The following PRKN variants were observed in gnomAD, a reference collection of about 807,000 sequenced individuals.
PRKN encodes parkin RBR E3 ubiquitin protein ligase, also known as E3 ubiquitin-protein ligase parkin.
PRKN carries 56 observed loss-of-function variants against 59.5 expected under a neutral mutation model. The ratio of observed to expected loss-of-function variants is 0.94; its 90% confidence interval spans 0.76 to 1.18. PRKN has a LOEUF of 1.18. PRKN is among the 50% of genes most tolerant of loss of function. The pLI is 0.00. For missense variants in PRKN, 657 were observed against 596.4 expected (o/e 1.10, Z -1.06); for synonymous variants, 250 against 222.1 (o/e 1.13, Z -1.12).
intron 3 of PRKN, among the ~76,000 whole-genome samples, chr6:162,231,037 A>T (rs1778400966): frequency 1.3e-5 from 2 of 152,202 alleles, no homozygotes; most frequent in African/African-American, 4.8e-5. Context: ...GGCATTCCAT[A>T]GATAGCTTAT....
At position 161,352,771 on chromosome 6, in the gene PRKN, A is replaced by ATATATTTTTTTTT. The variant is rs34279714; in HGVS notation, c.1286-2561_1286-2560insAAAAAAAAATATA. The stretch of plus-strand genomic sequence containing the variant: ...TGTGTGTGTGTATATATATATATAT[A>ATATATTTTTTTTT]TTTTATTTTATTTTATTTTATTTTT... On this transcript the variant is annotated intron_variant, in intron 11 of 11. Transcript: ENST00000366898. This position sits in a 1 kb window ranked among gnomAD's most constrained non-coding sequence, Gnocchi z 5.8. Among the ~76,000 whole-genome samples, 1 of 116,900 alleles carries ATATATTTTTTTTT rather than the reference A, an allele frequency of 8.6e-6. No homozygotes were observed. The highest frequency in any genetic ancestry group is 2.0e-4 in the East Asian group (1 of 4,976). 76.7% of individuals were successfully genotyped at this position (116,900 alleles called of 152,430 possible). A position where few individuals can be genotyped will look rare whatever the true frequency, so the allele number is the denominator to read the frequency against.
intron 9 of PRKN, among the ~76,000 whole-genome samples, chr6:161,490,739 C>A (rs1292084566): frequency 1.3e-5 from 2 of 152,048 alleles, no homozygotes; most frequent in African/African-American, 4.8e-5. Context: ...CTGTGTGTCC[C>A]CACCAAATCT....
chr6:161,689,185 T>TACACAC (rs34193135), intron 7 of PRKN, among the ~76,000 whole-genome samples: 2,841 of 144,212 alleles, frequency 0.02, 49 homozygotes, highest in Admixed American at 0.043. Context: ...AATTAAATTG[T>TACACAC]ACACACACAC....
At chr6:161,629,567 C>T (rs1025320278) in intron 7 of PRKN, among the ~76,000 whole-genome samples, 9 of 152,136 alleles carry the variant, frequency 5.9e-5, no homozygotes, top group African/African-American at 1.9e-4. Context: ...TCACAAAAGG[C>T]ACCCTATACA....
intron 7 of PRKN, among the ~76,000 whole-genome samples, chr6:161,671,247 G>A (rs1011659567): frequency 6.6e-6 from 1 of 152,092 alleles, no homozygotes; most frequent in African/African-American, 2.4e-5. Flanking sequence ...AGGCAGCAGT[G>A]CACCTCCTTC....
chr6:161,585,412 A>T (rs1781485840), intron 7 of PRKN, among the ~76,000 whole-genome samples: 1 of 152,216 alleles, frequency 6.6e-6, no homozygotes, highest in Admixed American at 6.5e-5. Flanking sequence ...AATAATCAGT[A>T]TTAGTAGATG....
At chr6:161,676,314 A>G (rs1582987587) in intron 7 of PRKN, among the ~76,000 whole-genome samples, 1 of 152,212 alleles carries the variant, frequency 6.6e-6, no homozygotes, top group South Asian at 2.1e-4. Flanking sequence ...TCTGATCTGG[A>G]GTTCAATAGA....
chr6:162,462,513 ATGTGTGGATG>A (rs1287166492), intron 1 of PRKN, among the ~76,000 whole-genome samples: 4 of 152,100 alleles, frequency 2.6e-5, no homozygotes, highest in East Asian at 3.9e-4. Context: ...GTGTGTATAC[ATGTGTGGATG>A]TGTGTGGATG....
chr6:161,777,750 T>C (rs1408231611), intron 7 of PRKN, among the ~76,000 whole-genome samples: 13 of 136,326 alleles, frequency 9.5e-5, no homozygotes, highest in Admixed American at 4.4e-4. Flanking sequence ...TATATATAGA[T>C]ATATATGTAT....
Position 162,654,682 on chromosome 6 carries a change from G to A in PRKN, c.7+72980C>T, listed in dbSNP as rs555430155. Among the ~76,000 whole-genome samples the A allele has an allele frequency of 5.3e-5, 8 of 152,204 alleles. No homozygotes were observed. In the South Asian group the frequency reaches 1.7e-3, roughly 32 times the overall value. On this transcript the variant is annotated intron_variant, in intron 1 of 11. Transcript: ENST00000366898. ...TTAGTCCATTCTCATGCTGCCAGTG[G>A]AGACATACCTGAGACTGGGTAATTT...
At chr6:161,909,927 C>T (rs774489727) in intron 6 of PRKN, among the ~76,000 whole-genome samples, 10 of 152,142 alleles carry the variant, frequency 6.6e-5, no homozygotes, top group Non-Finnish European at 1.3e-4. Flanking sequence ...CATTAAGAAC[C>T]TTCATGGAAA....
intron 1 of PRKN, among the ~76,000 whole-genome samples, chr6:162,692,543 C>T (rs559443844): frequency 3.4e-5 from 5 of 148,344 alleles, no homozygotes; most frequent in Admixed American, 6.9e-5. Flanking sequence ...AAGTTACCCA[C>T]GTAGGTGTTC....
At chr6:162,225,214 T>C (rs941939345) in intron 3 of PRKN, among the ~76,000 whole-genome samples, 1 of 152,078 alleles carries the variant, frequency 6.6e-6, no homozygotes, top group African/African-American at 2.4e-5. Context: ...TAGTAACTAA[T>C]ACAGTCCCTC....
In PRKN at chr6:161,397,935, C is replaced by T. The variant is rs569970674; in HGVS notation, c.1084-11058G>A. On this transcript the variant is annotated intron_variant, in intron 9 of 11. Transcript: ENST00000366898. This position sits in a 1 kb window ranked among gnomAD's most constrained non-coding sequence, Gnocchi z 4.2. Reference sequence around the variant, plus strand: ...CACAGGCATGATGGGGTGGAAAAGGCTTCACAACAGAGAGCTCTGAATCAG... The same window carrying T: ...CACAGGCATGATGGGGTGGAAAAGGTTTCACAACAGAGAGCTCTGAATCAG... Among the ~76,000 whole-genome samples, 11 of 152,200 alleles carry T rather than the reference C, an allele frequency of 7.2e-5. No individual in the cohort carries two copies. The South Asian group carries it at 2.1e-3, about 29-fold the overall frequency.
intron 3 of PRKN, among the ~76,000 whole-genome samples, chr6:162,209,667 T>C (rs1218580495): frequency 6.6e-6 from 1 of 152,188 alleles, no homozygotes; most frequent in Admixed American, 6.5e-5. Flanking sequence ...TGTTTGCTTA[T>C]TGCAGTACTA....
chr6:161,973,272 A>G (rs993941105), intron 6 of PRKN, 30 bp downstream of exon 6: 2 of 1,381,974 alleles, frequency 1.4e-6, no homozygotes, highest in African/African-American at 1.4e-5. Context: ...ACGTCCGTGG[A>G]GGGAAGTGAC....
At chr6:161,541,681 C>T (rs937001904) in intron 9 of PRKN, among the ~76,000 whole-genome samples, 10 of 151,940 alleles carry the variant, frequency 6.6e-5, no homozygotes, top group African/African-American at 1.9e-4. Flanking sequence ...ATTAGCTGGG[C>T]GTAGTGGCAC....
chr6:162,103,072 T>C (rs999678653), intron 4 of PRKN, among the ~76,000 whole-genome samples: 1 of 143,194 alleles, frequency 7.0e-6, no homozygotes, highest in Non-Finnish European at 1.5e-5. Context: ...AAAAAAGAAA[T>C]ACATAACTTG....
chr6:162,603,048 C>A (rs1781771612), intron 1 of PRKN, among the ~76,000 whole-genome samples: 1 of 152,152 alleles, frequency 6.6e-6, no homozygotes, highest in African/African-American at 2.4e-5. Flanking sequence ...ATTATGCCAA[C>A]TTTTAGTTTT....
Sources: allele counts gnomAD v4.1 joint callset (sites outside exome capture counted in the v4.1 genomes callset), GRCh38; gene constraint gnomAD v4.1.1; non-coding constraint Gnocchi (gnomAD v3.1); transcripts MANE v1.5; gene names NCBI Gene and HGNC (gene_info 2026-07-23, HGNC 2026-07-21).